Variants in FAM162B observed in about 807,000 individuals in gnomAD.
FAM162B encodes the protein protein FAM162B.
Under a neutral mutation model 20.0 loss-of-function variants are expected in FAM162B, and 16 were observed. The ratio of observed to expected loss-of-function variants is 0.80; its 90% CI spans 0.54 to 1.21. The LOEUF (loss-of-function observed/expected upper bound fraction) is 1.21, where lower values mean the gene tolerates loss of function less well. Ranked by LOEUF, FAM162B falls within the 50% of genes most tolerant of loss-of-function variation. The pLI is 0.00. For synonymous variants in FAM162B, 83 were observed against 89.7 expected (o/e 0.93, Z 0.42); for missense variants, 260 against 227.5 (o/e 1.14, Z -0.92).
At position 116,765,520 on chromosome 6, in the gene FAM162B, G is replaced by T; in HGVS notation, c.57C>A (p.Cys19Ter). ...TGGCCTCGAGAGGCGCCCCGGGGCC[G>T]CAGCGGACTGTTAGCCCGCGGCCAA... is the stretch of plus-strand genomic sequence containing the variant. ...LRLGRGLTVR[C>*]GPGAPLEATR... Residue 19 changes from cysteine (C) to a stop codon, truncating the protein, a stop_gained, in exon 1 of 4, where the codon TGC becomes TGA. Transcript: ENST00000368557. LOFTEE classifies it high-confidence loss of function. 7.2e-7 allele frequency: 1 copy of T among 1,396,592 alleles called. No homozygotes were observed. Among genetic ancestry groups the T allele is most frequent in the African/African-American group, 1.5e-5 (1 of 65,926 alleles). The allele number at this position is 1,396,592 out of a possible 1,614,324, so 86.5% of individuals were successfully genotyped here. A position where few individuals can be genotyped will look rare whatever the true frequency, so the allele number is the denominator to read the frequency against.
chr6:116,765,386 C>A lies in FAM162B; in HGVS notation c.172+19G>T. The A allele has an allele frequency of 2.0e-6, 3 of 1,480,008 alleles. No individual in the cohort carries two copies. The highest frequency in any genetic ancestry group is 2.7e-6 in the Non-Finnish European group (3 of 1,112,516). The allele number at this position is 1,480,008 out of a possible 1,614,324, so 91.7% of individuals were successfully genotyped here. A position where few individuals can be genotyped will look rare whatever the true frequency, so the allele number is the denominator to read the frequency against. ...AACCTCCTCCCTCCCAGGACCTCCC[C>A]GTCGGAGCCCTGGCTCACCGTGACC... On this transcript the variant is annotated intron_variant, in intron 1 of 3. Transcript: ENST00000368557.
intron 3 of FAM162B, among the ~76,000 whole-genome samples, chr6:116,761,757 T>C (rs73765852): frequency 2.2e-3 from 331 of 149,404 alleles, no homozygotes; most frequent in African/African-American, 7.8e-3. Context: ...CACACACATA[T>C]ATATATATAT....
chr6:116,765,431 G>A lies in FAM162B; in HGVS notation c.146C>T (p.Pro49Leu), dbSNP rs1357482615. 6.9e-7 allele frequency: 1 copy of A among 1,448,776 alleles called. No individual in the cohort carries two copies. The highest frequency in any genetic ancestry group is 1.4e-5 in the African/African-American group (1 of 69,186). The allele number at this position is 1,448,776 out of a possible 1,614,324, so 89.7% of individuals were successfully genotyped here. ...GLPCYSSGGA[P>L]SNSGPQGHGE... is the part of the protein sequence containing the mutation. ...GTGACCTTGGGGCCCAGAATTGCTG[G>A]GGGCCCCGCCGCTGGAGTAGCAGGG... The change falls in exon 1 of 4, where the codon CCC (proline) becomes CTC (leucine). Residue 49 changes from proline (P) to leucine (L), a missense_variant. Pro to Leu is a moderately conservative substitution (Grantham distance 98). Transcript: ENST00000368557.
chr6:116,753,287 C>T (rs1780013056), intron 3 of FAM162B, among the ~76,000 whole-genome samples: 1 of 152,120 alleles, frequency 6.6e-6, no homozygotes, highest in Admixed American at 6.6e-5. Context: ...TCTGCATCTC[C>T]ATCTGCCACA....
intron 2 of FAM162B, among the ~76,000 whole-genome samples, chr6:116,762,689 G>A (rs1771817645): frequency 1.3e-5 from 2 of 151,986 alleles, no homozygotes; most frequent in South Asian, 4.1e-4. Context: ...CGAGGAAAAA[G>A]ATAAAAGAGA....
intron 2 of FAM162B, among the ~76,000 whole-genome samples, chr6:116,764,115 T>A (rs1470061778): frequency 6.6e-6 from 1 of 152,158 alleles, no homozygotes; most frequent in Non-Finnish European, 1.5e-5. Context: ...CCCCACCCCC[T>A]AGCTATCTGA....
At chr6:116,761,331 T>C (rs1195560581) in intron 3 of FAM162B, among the ~76,000 whole-genome samples, 4 of 152,112 alleles carry the variant, frequency 2.6e-5, no homozygotes, top group Non-Finnish European at 4.4e-5. Flanking sequence ...AGGGCTGACA[T>C]AAAGGATCCA....
At chr6:116,757,905 A>G (rs1780072085) in intron 3 of FAM162B, among the ~76,000 whole-genome samples, 1 of 152,210 alleles carries the variant, frequency 6.6e-6, no homozygotes, top group African/African-American at 2.4e-5. Flanking sequence ...TGAGACAGGA[A>G]ATCAGAGACA....
At chr6:116,753,809 C>T (rs147936966) in intron 3 of FAM162B, among the ~76,000 whole-genome samples, 1 of 152,158 alleles carries the variant, frequency 6.6e-6, no homozygotes, top group Non-Finnish European at 1.5e-5. Context: ...AGACTAAAGA[C>T]TGATCCATGG....
intron 3 of FAM162B, among the ~76,000 whole-genome samples, chr6:116,758,750 A>G (rs1188274535): frequency 6.6e-6 from 1 of 152,164 alleles, no homozygotes; most frequent in Non-Finnish European, 1.5e-5. Context: ...TGTAGAAAGT[A>G]TAGTTGGAAT....
At chr6:116,756,561 C>T (rs1010879607) in intron 3 of FAM162B, among the ~76,000 whole-genome samples, 6 of 152,218 alleles carry the variant, frequency 3.9e-5, no homozygotes, top group Non-Finnish European at 8.8e-5. Flanking sequence ...TTTGAGAGAA[C>T]TGACTCCAAT....
chr6:116,761,937 T>C (rs1372350859), intron 3 of FAM162B, 40 bp downstream of exon 3: 3 of 1,465,456 alleles, frequency 2.0e-6, no homozygotes, highest in Non-Finnish European at 2.8e-6. Context: ...AAGAGGTACT[T>C]ACCCTTTTAA....
In FAM162B at chr6:116,765,702, C is replaced by A; in HGVS notation, c.-126G>T. On this transcript the variant is annotated 5_prime_UTR_variant, in exon 1 of 4. Transcript: ENST00000368557. ...GAGCCTGGGACGTGCAGCTGGAACC[C>A]CTGGCGCTCGCACACTCAGCTCGCT... is the stretch of plus-strand genomic sequence containing the variant. 1 of 1,105,666 alleles carries A rather than the reference C, an allele frequency of 9.0e-7. No homozygotes were observed. Among genetic ancestry groups the A allele is most frequent in the East Asian group, 3.2e-5 (1 of 30,958 alleles). 68.5% of individuals were successfully genotyped at this position (1,105,666 alleles called of 1,614,324 possible).
At chr6:116,764,501 G>A (rs1362298834) in intron 2 of FAM162B, among the ~76,000 whole-genome samples, 2 of 151,932 alleles carry the variant, frequency 1.3e-5, no homozygotes, top group Non-Finnish European at 2.9e-5. Context: ...CCTTAGAGGG[G>A]GAGTTATTAG....
chr6:116,764,987 G>A (rs1409844037), intron 2 of FAM162B, among the ~76,000 whole-genome samples, 160 bp downstream of exon 2: 2 of 152,094 alleles, frequency 1.3e-5, no homozygotes, highest in African/African-American at 4.8e-5. Flanking sequence ...CTGGAGGCGG[G>A]GTGTGTGTGT....
Position 116,762,061 on chromosome 6 carries a change from TC to T in FAM162B, c.305del (p.Arg102LysfsTer6). Reference sequence around the variant, plus strand: ...AACAAGCTTTCACTCGAGCTTTGTTTCTTGCGGTGTCTATCATTTCTGGCCT... The same window carrying T: ...AACAAGCTTTCACTCGAGCTTTGTTTTTGCGGTGTCTATCATTTCTGGCCT... ...RIPPEMIDTA[R>X]NKARVKACYI... On this transcript the variant is annotated frameshift_variant, in exon 3 of 4. Coordinates refer to ENST00000368557, the MANE Select transcript of FAM162B (RefSeq NM_001085480.3). LOFTEE classifies it high-confidence loss of function. 6.3e-7 allele frequency: 1 copy of T among 1,592,094 alleles called. No individual in the cohort carries two copies. Among genetic ancestry groups the T allele is most frequent in the Non-Finnish European group, 8.6e-7 (1 of 1,163,940 alleles).
At chr6:116,757,400 T>C (rs916381596) in intron 3 of FAM162B, among the ~76,000 whole-genome samples, 4 of 152,202 alleles carry the variant, frequency 2.6e-5, no homozygotes, top group Non-Finnish European at 5.9e-5. Context: ...GTATATGTCA[T>C]ACATGTTAAT....
At chr6:116,761,666 A>ATG (rs1397960457) in intron 3 of FAM162B, among the ~76,000 whole-genome samples, 2 of 146,496 alleles carry the variant, frequency 1.4e-5, no homozygotes, top group African/African-American at 2.5e-5. Context: ...ATACTTATAT[A>ATG]TATACTTATA....
At chr6:116,762,440 G>A (rs906214938) in intron 2 of FAM162B, among the ~76,000 whole-genome samples, 4 of 151,884 alleles carry the variant, frequency 2.6e-5, no homozygotes, top group Non-Finnish European at 4.4e-5. Context: ...TTGATGACTT[G>A]CAATTATTTA....
Sources: gnomAD v4.1 joint callset for allele counts (sites outside exome capture counted in the v4.1 genomes callset) on GRCh38, gnomAD v4.1.1 for gene constraint, MANE v1.5 for transcripts, NCBI Gene and HGNC (gene_info 2026-07-23, HGNC 2026-07-21) for gene names.